SHISA9: variants seen among roughly 807,000 people sequenced by gnomAD.
SHISA9 encodes the protein protein shisa-9.
Under a neutral mutation model 38.0 loss-of-function variants are expected in SHISA9, and 13 were observed. That is an observed-to-expected ratio of 0.34 (90% CI 0.22 to 0.54). The LOEUF (loss-of-function observed/expected upper bound fraction) is 0.54. Ranked by LOEUF, SHISA9 falls within the 20% of genes least tolerant of loss-of-function variation. The pLI is 0.91. For synonymous variants in SHISA9, 275 were observed against 242.0 expected, an observed-to-expected ratio of 1.14 and a Z score of -1.27; for missense variants, 538 against 575.8, an observed-to-expected ratio of 0.93 and a Z score of 0.67.
intron 2 of SHISA9, among the ~76,000 whole-genome samples, chr16:13,171,457 T>G (rs2050685727): frequency 2.9e-5 from 4 of 137,268 alleles, no homozygotes; most frequent in African/African-American, 2.8e-5. Context: ...GCTGGGAGAG[T>G]GAATGACAGG....
intron 2 of SHISA9, among the ~76,000 whole-genome samples, chr16:13,082,670 G>A (rs2073665220): frequency 6.6e-6 from 1 of 152,226 alleles, no homozygotes; most frequent in African/African-American, 2.4e-5. Flanking sequence ...TTGGTGTACA[G>A]GTAAGTTCCC....
chr16:13,050,989 C>T (rs1188405834), intron 2 of SHISA9, among the ~76,000 whole-genome samples: 1 of 152,222 alleles, frequency 6.6e-6, no homozygotes, highest in African/African-American at 2.4e-5. Flanking sequence ...ATTGGGCCTC[C>T]ATTTTGTCAT....
intron 2 of SHISA9, among the ~76,000 whole-genome samples, chr16:12,961,295 G>A (rs2071908730): frequency 6.6e-6 from 1 of 152,160 alleles, no homozygotes; most frequent in African/African-American, 2.4e-5. Context: ...AGTGGAACAT[G>A]GAGAGGTGAA....
intron 2 of SHISA9, among the ~76,000 whole-genome samples, chr16:13,155,316 T>C (rs2050534698): frequency 6.6e-6 from 1 of 152,124 alleles, no homozygotes; most frequent in African/African-American, 2.4e-5. Context: ...GGATGGAACA[T>C]AATTATTTAT....
chr16:13,010,755 C>T (rs1399140321), intron 2 of SHISA9, among the ~76,000 whole-genome samples: 2 of 152,074 alleles, frequency 1.3e-5, no homozygotes, highest in East Asian at 1.9e-4. Flanking sequence ...AGTTCGAGAC[C>T]GGTCTGGCCA....
chr16:13,251,420 C>A, the SHISA9 span, among the ~76,000 whole-genome samples: 1 of 152,226 alleles, frequency 6.6e-6, no homozygotes, highest in Non-Finnish European at 1.5e-5. Context: ...CTCTTGCTTT[C>A]TGACTCAGTG....
chr16:13,554,297 T>TAAAAA, the SHISA9 span, among the ~76,000 whole-genome samples: 1 of 133,520 alleles, frequency 7.5e-6, no homozygotes. Flanking sequence ...TGCTAGAGAT[T>TAAAAA]AAAAAAAAAA....
chr16:13,063,348 T>C (rs276623), intron 2 of SHISA9, among the ~76,000 whole-genome samples: 30,183 of 151,772 alleles, frequency 0.2, 3,316 homozygotes, highest in African/African-American at 0.3. Flanking sequence ...GAAAGCACAA[T>C]CTTAAAGTTG....
At chr16:13,418,330 C>T in the SHISA9 span, among the ~76,000 whole-genome samples, 1 of 152,158 alleles carries the variant, frequency 6.6e-6, no homozygotes, top group Non-Finnish European at 1.5e-5. Context: ...AATTTGAAAG[C>T]CCATGTCCAT....
the SHISA9 span, among the ~76,000 whole-genome samples, chr16:13,250,531 A>C: frequency 6.6e-6 from 1 of 152,136 alleles, no homozygotes; most frequent in Non-Finnish European, 1.5e-5. Flanking sequence ...TATGATATAG[A>C]GGTTGCATTC....
intron 2 of SHISA9, among the ~76,000 whole-genome samples, chr16:12,978,191 A>G (rs774610660): frequency 1.3e-5 from 2 of 152,164 alleles, no homozygotes; most frequent in African/African-American, 2.4e-5. Context: ...TGACCCCTGT[A>G]TAGACCCTAC....
intron 2 of SHISA9, among the ~76,000 whole-genome samples, chr16:12,923,788 C>T (rs2071359495): frequency 6.6e-6 from 1 of 151,776 alleles, no homozygotes; most frequent in African/African-American, 2.4e-5. Flanking sequence ...TTGCAGTGAG[C>T]CGAGATCACG....
chr16:13,219,478 A>G (rs1435754593), intron 4 of SHISA9, among the ~76,000 whole-genome samples: 2 of 152,208 alleles, frequency 1.3e-5, no homozygotes, highest in Non-Finnish European at 2.9e-5. Flanking sequence ...GGTATATAAC[A>G]GGTGCTAAAA....
the SHISA9 span, among the ~76,000 whole-genome samples, chr16:13,251,441 T>C: frequency 6.6e-6 from 1 of 152,184 alleles, no homozygotes; most frequent in African/African-American, 2.4e-5. Context: ...CCTTGTGTCC[T>C]CAGCATGTGC....
At chr16:13,476,475 T>C in the SHISA9 span, among the ~76,000 whole-genome samples, 4 of 152,158 alleles carry the variant, frequency 2.6e-5, no homozygotes, top group African/African-American at 9.7e-5. Flanking sequence ...GTACAGAGAG[T>C]AACAGGACCT....
the SHISA9 span, among the ~76,000 whole-genome samples, chr16:13,495,336 G>A: frequency 6.6e-6 from 1 of 152,080 alleles, no homozygotes; most frequent in Non-Finnish European, 1.5e-5. Context: ...TGGTACCTGA[G>A]GAAGCTAGGT....
chr16:13,000,694 C>A (rs539715152), intron 2 of SHISA9, among the ~76,000 whole-genome samples: 1 of 152,100 alleles, frequency 6.6e-6, no homozygotes, highest in African/African-American at 2.4e-5. Flanking sequence ...CGGGGGATGA[C>A]GCATGGGGAT....
At chr16:13,549,900 G>A in the SHISA9 span, among the ~76,000 whole-genome samples, 1 of 151,996 alleles carries the variant, frequency 6.6e-6, no homozygotes, top group East Asian at 1.9e-4. Context: ...GTAAGCGCCT[G>A]TAATCCCAGC....
At chr16:12,974,922 C>G (rs915836269) in intron 2 of SHISA9, among the ~76,000 whole-genome samples, 1 of 152,048 alleles carries the variant, frequency 6.6e-6, no homozygotes, top group Non-Finnish European at 1.5e-5. Context: ...GTATCTATAT[C>G]TATCTCTCTA....
Sources: allele counts gnomAD v4.1 joint callset (sites outside exome capture counted in the v4.1 genomes callset), GRCh38; gene constraint gnomAD v4.1.1; transcripts MANE v1.5; gene names NCBI Gene and HGNC (gene_info 2026-07-23, HGNC 2026-07-21).